The following ERMP1 variants were observed in gnomAD, a reference collection of about 807,000 sequenced individuals.
The protein encoded by ERMP1 is Felix-ina.
Under a neutral mutation model 92.0 loss-of-function variants are expected in ERMP1, and 86 were observed. The ratio of observed to expected loss-of-function variants is 0.93; its 90% CI spans 0.79 to 1.12. The LOEUF (loss-of-function observed/expected upper bound fraction) is 1.12, where lower values mean the gene tolerates loss of function less well. Among genes scored for constraint, ERMP1 ranks in the 50% most tolerant of loss-of-function variants. ERMP1 has a pLI of 0.00. For synonymous variants in ERMP1, 530 were observed against 412.8 expected, an observed-to-expected ratio of 1.28 and a Z score of -3.44; for missense variants, 1,342 against 1,116.3, an observed-to-expected ratio of 1.20 and a Z score of -2.88.
At chr9:5,833,954 C>T (rs1830046746), upstream of ERMP1, among the ~76,000 whole-genome samples, 1 of 152,168 alleles carries the variant, frequency 6.6e-6, no homozygotes, top group African/African-American at 2.4e-5. Context: ...CCTCTCTGCT[C>T]CAAGGTTTTT....
chr9:5,789,294 CA>C (rs917411592), intron 13 of ERMP1, among the ~76,000 whole-genome samples: 1 of 151,354 alleles, frequency 6.6e-6, no homozygotes, highest in Non-Finnish European at 1.5e-5. Context: ...AAATAACTTA[CA>C]AAAAAAATTA....
At chr9:5,813,177 TA>T (rs2131243346) in intron 4 of ERMP1, 142 bp from the exon 5 acceptor site, 1 of 753,454 alleles carries the variant, frequency 1.3e-6, no homozygotes, top group South Asian at 1.9e-5. Flanking sequence ...CCTTTTTCTG[TA>T]GTTTCCAATG....
At chr9:5,862,334 C>A (rs1002256036) in intron 5 of ERMP1, among the ~76,000 whole-genome samples, 1 of 151,322 alleles carries the variant, frequency 6.6e-6, no homozygotes, top group Non-Finnish European at 1.5e-5. Flanking sequence ...GCCTGACCTA[C>A]TTATTTATTT....
chr9:5,822,106 G>A (rs1829563433), intron 4 of ERMP1, among the ~76,000 whole-genome samples: 1 of 152,030 alleles, frequency 6.6e-6, no homozygotes, highest in South Asian at 2.1e-4. Flanking sequence ...AAGGAAATTA[G>A]CCGGGCATGG....
At chr9:5,865,944 G>A (rs1364663872) in intron 5 of ERMP1, among the ~76,000 whole-genome samples, 2 of 151,708 alleles carry the variant, frequency 1.3e-5, no homozygotes, top group Admixed American at 6.6e-5. Context: ...GTTTATATCT[G>A]GGTTCTGACA....
At chr9:5,823,211 G>A (rs1465389760) in intron 4 of ERMP1, among the ~76,000 whole-genome samples, 1 of 152,118 alleles carries the variant, frequency 6.6e-6, no homozygotes, top group African/African-American at 2.4e-5. Flanking sequence ...CTTGAACCCA[G>A]GAGGTCAAGG....
intron 6 of ERMP1, among the ~76,000 whole-genome samples, chr9:5,840,916 C>T (rs1309236021): frequency 2.0e-5 from 3 of 152,200 alleles, no homozygotes; most frequent in Non-Finnish European, 4.4e-5. Context: ...AATGCTTAGC[C>T]AAGTTCTTTC....
chr9:5,827,457 C>T (rs1030354772), intron 2 of ERMP1, among the ~76,000 whole-genome samples: 1 of 152,316 alleles, frequency 6.6e-6, no homozygotes, highest in Admixed American at 6.5e-5. Flanking sequence ...GCAGGTTGGA[C>T]AAGCTTAATC....
chr9:5,807,769 G>A (rs946436232), intron 8 of ERMP1, among the ~76,000 whole-genome samples: 3 of 151,122 alleles, frequency 2.0e-5, no homozygotes, highest in South Asian at 2.1e-4. Context: ...AAAAAAAAAC[G>A]GAAACAATTC....
At chr9:5,790,846 A>G (rs1219142368) in intron 13 of ERMP1, among the ~76,000 whole-genome samples, 2 of 152,224 alleles carry the variant, frequency 1.3e-5, no homozygotes, top group Non-Finnish European at 2.9e-5. Context: ...TCAGTACAAG[A>G]CACATCAATT....
At chr9:5,807,377 T>G (rs1828907152) in intron 8 of ERMP1, among the ~76,000 whole-genome samples, 1 of 152,190 alleles carries the variant, frequency 6.6e-6, no homozygotes, top group Admixed American at 6.5e-5. Flanking sequence ...CTGACACAGA[T>G]GCATTTTATA....
At chr9:5,800,354 T>C (rs1199931028) in intron 11 of ERMP1, among the ~76,000 whole-genome samples, 1 of 151,986 alleles carries the variant, frequency 6.6e-6, no homozygotes, top group Non-Finnish European at 1.5e-5. Context: ...TCTAAAAAAT[T>C]TGAAGAAAAA....
intron 13 of ERMP1, among the ~76,000 whole-genome samples, chr9:5,797,165 T>G (rs1035210735): frequency 3.9e-5 from 6 of 151,910 alleles, no homozygotes; most frequent in African/African-American, 1.5e-4. Context: ...AGTTCTCAAG[T>G]AGCTAAGACT....
chr9:5,831,197 G>A (rs1445156430), intron 1 of ERMP1, among the ~76,000 whole-genome samples, 169 bp from the exon 2 acceptor site: 1 of 152,102 alleles, frequency 6.6e-6, no homozygotes, highest in East Asian at 1.9e-4. Flanking sequence ...CACTTATAAA[G>A]TTCCATATTT....
At chr9:5,827,712 G>A (rs920843643) in intron 2 of ERMP1, among the ~76,000 whole-genome samples, 5 of 152,016 alleles carry the variant, frequency 3.3e-5, no homozygotes, top group Middle Eastern at 3.2e-3. Flanking sequence ...AAAAAATAGC[G>A]AGGCTGAGGC....
At chr9:5,824,270 G>A (rs1200374663) in intron 3 of ERMP1, among the ~76,000 whole-genome samples, 1 of 152,196 alleles carries the variant, frequency 6.6e-6, no homozygotes, top group African/African-American at 2.4e-5. Context: ...GTACAAGGCT[G>A]TGCAAAAGAA....
At chr9:5,854,331 C>G (rs1830345603) in intron 6 of ERMP1, among the ~76,000 whole-genome samples, 1 of 152,174 alleles carries the variant, frequency 6.6e-6, no homozygotes, top group Non-Finnish European at 1.5e-5. Flanking sequence ...TCATAACACT[C>G]TTCTATTCAG....
In ERMP1 at chr9:5,787,076, GTAACA is replaced by G; in HGVS notation, c.*63_*67del. On this transcript the variant is annotated 3_prime_UTR_variant, in exon 15 of 15. Coordinates refer to ENST00000339450, the MANE Select transcript of ERMP1 (RefSeq NM_024896.3). ...ATTGACTTACGTTACAAACATCCAC[GTAACA>G]TAGGGAGAAACCATGTCACATGGAG... 7.0e-7 allele frequency: 1 copy of G among 1,430,522 alleles called. No individual in the cohort carries two copies. The allele number at this position is 1,430,522 out of a possible 1,614,324, so 88.6% of individuals were successfully genotyped here.
intron 2 of ERMP1, among the ~76,000 whole-genome samples, 171 bp downstream of exon 2, chr9:5,830,556 T>C (rs1829899762): frequency 1.3e-5 from 2 of 152,216 alleles, no homozygotes; most frequent in Non-Finnish European, 2.9e-5. Flanking sequence ...GAAGACAGAA[T>C]GGTTAGATCC....
Sources: gnomAD v4.1 joint callset for allele counts (sites outside exome capture counted in the v4.1 genomes callset) on GRCh38, gnomAD v4.1.1 for gene constraint, MANE v1.5 for transcripts, NCBI Gene and HGNC (gene_info 2026-07-23, HGNC 2026-07-21) for gene names.